Variants in TENM2 observed in about 807,000 individuals in gnomAD.
TENM2 encodes the protein teneurin transmembrane protein 2.
A neutral mutation model predicts 245.2 loss-of-function variants in TENM2; 52 were observed. The ratio of observed to expected loss-of-function variants is 0.21; its 90% CI spans 0.17 to 0.27. The LOEUF is 0.27. Among genes scored for constraint, TENM2 ranks in the 10% least tolerant of loss-of-function variants. The pLI is 1.00. For synonymous variants in TENM2, 1,363 were observed against 1,438.9 expected (o/e 0.95, Z 1.19); for missense variants, 3,046 against 3,666.8 (o/e 0.83, Z 4.37).
intron 2 of TENM2, among the ~76,000 whole-genome samples, chr5:167,486,713 T>C (rs1768097271): frequency 6.6e-6 from 1 of 152,154 alleles, no homozygotes; most frequent in Admixed American, 6.5e-5. Flanking sequence ...AATAATGCAA[T>C]GTAATGATTT....
At chr5:167,913,099 A>G (rs760144568) in intron 3 of TENM2, among the ~76,000 whole-genome samples, 3 of 152,186 alleles carry the variant, frequency 2.0e-5, no homozygotes, top group Non-Finnish European at 4.4e-5. Flanking sequence ...AGCGAGATAG[A>G]GCAGCATTGC....
At chr5:167,407,580 G>A (rs571492674) in intron 2 of TENM2, among the ~76,000 whole-genome samples, 71 of 152,324 alleles carry the variant, frequency 4.7e-4, no homozygotes, top group Admixed American at 9.8e-4. Flanking sequence ...CACTTTGGGA[G>A]GCTGAGGCGG....
intron 3 of TENM2, among the ~76,000 whole-genome samples, chr5:167,926,749 C>A (rs1338442971): frequency 1.3e-5 from 2 of 148,908 alleles, no homozygotes; most frequent in Non-Finnish European, 1.5e-5. Context: ...CACACACACA[C>A]ACACACACAC....
chr5:167,708,312 T>C (rs1337779794), intron 2 of TENM2, among the ~76,000 whole-genome samples: 2 of 152,100 alleles, frequency 1.3e-5, no homozygotes, highest in Non-Finnish European at 2.9e-5. Flanking sequence ...TATACTGTAT[T>C]ATCAAAATCA....
chr5:167,375,010 C>G (rs1760663219), intron 1 of TENM2, among the ~76,000 whole-genome samples, 188 bp from the exon 4 acceptor site: 1 of 152,082 alleles, frequency 6.6e-6, no homozygotes, highest in Non-Finnish European at 1.5e-5. Flanking sequence ...TACTTTCTTT[C>G]TTTTGTTTGT....
the TENM2 span, among the ~76,000 whole-genome samples, chr5:167,257,316 T>G: frequency 6.6e-6 from 1 of 152,098 alleles, no homozygotes; most frequent in African/African-American, 2.4e-5. Flanking sequence ...TGTATTCCAT[T>G]TGAAGGTTAT....
intron 1 of TENM2, among the ~76,000 whole-genome samples, chr5:167,336,229 G>C (rs1757747482): frequency 6.8e-6 from 1 of 146,512 alleles, no homozygotes. Flanking sequence ...TAGGATAAAG[G>C]GTGGATGCAG....
chr5:168,166,689 C>T (rs530613288), intron 13 of TENM2, among the ~76,000 whole-genome samples: 3 of 152,184 alleles, frequency 2.0e-5, no homozygotes, highest in Non-Finnish European at 4.4e-5. Flanking sequence ...TTGAGAACCA[C>T]TGTCCTAAGC....
the TENM2 span, among the ~76,000 whole-genome samples, chr5:167,090,753 G>A: frequency 2.6e-5 from 4 of 152,208 alleles, no homozygotes; most frequent in Admixed American, 2.6e-4. Context: ...TAGTAGAGTA[G>A]TTGGTGGTGG....
At chr5:167,045,664 T>C in the TENM2 span, among the ~76,000 whole-genome samples, 1 of 152,230 alleles carries the variant, frequency 6.6e-6, no homozygotes, top group East Asian at 1.9e-4. Context: ...AGTCTATCAT[T>C]ATCAAGCTGT....
At chr5:167,291,599 C>T (rs1209799221) in intron 1 of TENM2, among the ~76,000 whole-genome samples, 1 of 152,178 alleles carries the variant, frequency 6.6e-6, no homozygotes, top group Admixed American at 6.5e-5. Flanking sequence ...TCAGGCTGGC[C>T]TGGCATGGGA....
At chr5:168,237,461 A>G (rs1396810989) in intron 25 of TENM2, among the ~76,000 whole-genome samples, 2 of 152,150 alleles carry the variant, frequency 1.3e-5, no homozygotes, top group Non-Finnish European at 2.9e-5. Flanking sequence ...AAATAGAGAC[A>G]CTAAGAAAAA....
chr5:167,770,709 G>A (rs116514815), intron 2 of TENM2, among the ~76,000 whole-genome samples: 34 of 152,228 alleles, frequency 2.2e-4, no homozygotes, highest in African/African-American at 6.3e-4. Flanking sequence ...GGTCTGTTAC[G>A]TAAGTCTGCC....
chr5:167,044,236 G>T, the TENM2 span, among the ~76,000 whole-genome samples: 1 of 152,178 alleles, frequency 6.6e-6, no homozygotes, highest in African/African-American at 2.4e-5. Flanking sequence ...GAATCTGGCA[G>T]ATTGAGGAGC....
chr5:167,385,856 ATGTGTGTGTGTGTGTGTGTG>A (rs60407919), intron 2 of TENM2, among the ~76,000 whole-genome samples: 20 of 139,148 alleles, frequency 1.4e-4, no homozygotes, highest in Non-Finnish European at 2.3e-4. Flanking sequence ...TTATATATAT[ATGTGTGTGTGTGTGTGTGTG>A]TGTGTGTGTG....
intron 2 of TENM2, among the ~76,000 whole-genome samples, chr5:167,570,672 A>T (rs1774211179): frequency 6.6e-6 from 1 of 152,140 alleles, no homozygotes. Flanking sequence ...GTTGCATTTC[A>T]CCGCCCTTCA....
chr5:167,596,902 A>G (rs1293181036), intron 2 of TENM2, among the ~76,000 whole-genome samples: 1 of 152,118 alleles, frequency 6.6e-6, no homozygotes, highest in Non-Finnish European at 1.5e-5. Flanking sequence ...TTTCTCCAGC[A>G]ATCAGTTCAC....
At chr5:167,990,216 C>A (rs1040761869) in intron 4 of TENM2, among the ~76,000 whole-genome samples, 1 of 152,130 alleles carries the variant, frequency 6.6e-6, no homozygotes, top group Non-Finnish European at 1.5e-5. Flanking sequence ...TATGTTCTAG[C>A]GTTGTTATAA....
chr5:167,724,649 A>T (rs1023802711), intron 2 of TENM2, among the ~76,000 whole-genome samples: 3 of 152,170 alleles, frequency 2.0e-5, no homozygotes, highest in African/African-American at 4.8e-5. Flanking sequence ...AGAGATAGGA[A>T]CACCACTTCA....
Sources: gnomAD v4.1 joint callset for allele counts (sites outside exome capture counted in the v4.1 genomes callset) on GRCh38, gnomAD v4.1.1 for gene constraint, MANE v1.5 for transcripts, NCBI Gene and HGNC (gene_info 2026-07-23, HGNC 2026-07-21) for gene names.